RGS6: variants seen among roughly 807,000 people sequenced by gnomAD.
RGS6 encodes regulator of G-protein signaling 6.
In RGS6, 30 loss-of-function variants were observed where a neutral mutation model predicts 78.5. The observed-to-expected ratio is 0.38, with a 90% confidence interval of 0.29 to 0.52. The LOEUF (loss-of-function observed/expected upper bound fraction) is 0.52, where lower values mean the gene tolerates loss of function less well. RGS6 is among the 20% of genes least tolerant of loss of function. The pLI, the probability that RGS6 is intolerant of heterozygous loss-of-function variation, is 0.85. For synonymous variants in RGS6, 206 were observed against 206.0 expected, an observed-to-expected ratio of 1.00 and a Z score of 0.00; for missense variants, 495 against 609.7, an observed-to-expected ratio of 0.81 and a Z score of 1.98.
chr14:72,476,668 T>C (rs1253628070), intron 10 of RGS6, 74 bp from the exon 11 acceptor site: 6 of 1,165,874 alleles, frequency 5.1e-6, no homozygotes, highest in Admixed American at 3.9e-5. Flanking sequence ...GGATGAGTCA[T>C]TGGACTAGCT....
At chr14:72,611,247 A>G in the RGS6 span, among the ~76,000 whole-genome samples, 1 of 152,242 alleles carries the variant, frequency 6.6e-6, no homozygotes, top group South Asian at 2.1e-4. Context: ...CAAAGCTGAA[A>G]TCTGGCTGTG....
intron 2 of RGS6, among the ~76,000 whole-genome samples, chr14:72,187,545 G>T (rs149640): frequency 1.3e-5 from 2 of 152,010 alleles, no homozygotes; most frequent in African/African-American, 4.8e-5. Flanking sequence ...TTGACAGTAG[G>T]CAGAGAAGCA....
intron 16 of RGS6, chr14:72,537,677 C>A: frequency 1.6e-6 from 1 of 636,040 alleles, no homozygotes; most frequent in Admixed American, 2.7e-5. Context: ...ATTATAGGAA[C>A]TTTTGATAAC....
At position 72,465,317 on chromosome 14, in the gene RGS6, G is replaced by A. The variant is rs116099325; in HGVS notation, c.395-441G>A. 3.0e-3 allele frequency among the ~76,000 whole-genome samples: 458 copies of A among 152,316 alleles called. 2 individuals carry two copies. The highest frequency in any genetic ancestry group is 0.011 in the African/African-American group (447 of 41,560). The stretch of plus-strand genomic sequence containing the variant: ...ATGTTTGTGAAATATCACTCTGAGT[G>A]TAGGATGTTCAGGGTGAAGCAGAGT... On this transcript the variant is annotated intron_variant, in intron 6 of 17. Coordinates refer to ENST00000553525, the MANE Select transcript of RGS6 (RefSeq NM_001204424.2).
intron 2 of RGS6, among the ~76,000 whole-genome samples, chr14:72,036,369 C>G (rs530529278): frequency 2.7e-4 from 41 of 151,910 alleles, no homozygotes; most frequent in African/African-American, 9.7e-4. Flanking sequence ...CATTCTTATA[C>G]AGGTTTTGGG....
intron 2 of RGS6, among the ~76,000 whole-genome samples, chr14:72,195,802 A>G (rs2039972308): frequency 6.6e-6 from 1 of 152,256 alleles, no homozygotes. Flanking sequence ...CGGAAACACC[A>G]GGGCTGAGCC....
At chr14:72,599,857 C>T in the RGS6 span, among the ~76,000 whole-genome samples, 11 of 152,238 alleles carry the variant, frequency 7.2e-5, no homozygotes, top group East Asian at 2.1e-3. Flanking sequence ...TGGGCTCACA[C>T]AGGCCTCGGG....
At chr14:72,315,440 A>G (rs757454863) in intron 2 of RGS6, among the ~76,000 whole-genome samples, 5 of 152,266 alleles carry the variant, frequency 3.3e-5, no homozygotes, top group Non-Finnish European at 4.4e-5. Flanking sequence ...TTTAGTCAGT[A>G]GTCGAAACAT....
intron 2 of RGS6, among the ~76,000 whole-genome samples, chr14:71,985,206 C>G (rs536934918): frequency 6.6e-6 from 1 of 151,864 alleles, no homozygotes; most frequent in South Asian, 2.1e-4. Context: ...TCACTGCAAC[C>G]GCCGCCTCCT....
At chr14:72,416,723 A>G (rs908711586) in intron 3 of RGS6, among the ~76,000 whole-genome samples, 3 of 152,184 alleles carry the variant, frequency 2.0e-5, no homozygotes, top group African/African-American at 7.2e-5. Context: ...AAACTCAGGA[A>G]GGAACAAGAA....
chr14:72,409,178 T>C (rs1189764056), intron 3 of RGS6, among the ~76,000 whole-genome samples: 1 of 152,136 alleles, frequency 6.6e-6, no homozygotes. Context: ...TTGCCACTGT[T>C]AAAAGAAAAA....
chr14:72,328,269 A>G (rs1157657984), intron 2 of RGS6, among the ~76,000 whole-genome samples: 1 of 152,166 alleles, frequency 6.6e-6, no homozygotes, highest in Non-Finnish European at 1.5e-5. Flanking sequence ...ATACCCAGAA[A>G]TAATGTTTTA....
intron 2 of RGS6, among the ~76,000 whole-genome samples, chr14:72,306,661 G>A (rs2067312278): frequency 6.6e-6 from 1 of 152,198 alleles, no homozygotes; most frequent in African/African-American, 2.4e-5. Context: ...TGCAAATGAG[G>A]TGGAAATAGC....
At chr14:72,421,700 A>G (rs2094189317) in intron 3 of RGS6, 1 of 152,240 alleles carries the variant, frequency 6.6e-6, no homozygotes, top group Non-Finnish European at 1.5e-5. Context: ...TGGAGCACCA[A>G]GGGGAGAAAG....
chr14:72,364,623 T>A (rs1350347007), intron 3 of RGS6, among the ~76,000 whole-genome samples: 1 of 152,194 alleles, frequency 6.6e-6, no homozygotes, highest in Non-Finnish European at 1.5e-5. Context: ...TAATAAAAAT[T>A]GAAAGTAAAG....
intron 2 of RGS6, among the ~76,000 whole-genome samples, chr14:72,320,088 A>AT (rs555564078): frequency 3.7e-4 from 57 of 152,284 alleles, no homozygotes; most frequent in African/African-American, 1.2e-3. Context: ...TTTAAAAAAA[A>AT]CCTCAGGCTA....
chr14:72,023,511 C>T (rs1302481417), intron 2 of RGS6, among the ~76,000 whole-genome samples: 1 of 152,050 alleles, frequency 6.6e-6, no homozygotes, highest in East Asian at 1.9e-4. Context: ...AATGTTTGCT[C>T]AAAATGTCAA....
intron 12 of RGS6, among the ~76,000 whole-genome samples, chr14:72,480,347 G>A (rs1339534944): frequency 1.3e-5 from 2 of 152,190 alleles, no homozygotes; most frequent in Non-Finnish European, 2.9e-5. Flanking sequence ...AGGTGGAGGC[G>A]GGGAGCCCGG....
At chr14:72,465,536 G>T (rs2095877713) in intron 6 of RGS6, among the ~76,000 whole-genome samples, 1 of 138,024 alleles carries the variant, frequency 7.2e-6, no homozygotes, top group South Asian at 2.8e-4. Context: ...AGCAAGGGTG[G>T]GTGGGCGGGC....
Sources: gnomAD v4.1 joint callset for allele counts (sites outside exome capture counted in the v4.1 genomes callset) on GRCh38, gnomAD v4.1.1 for gene constraint, MANE v1.5 for transcripts, NCBI Gene and HGNC (gene_info 2026-07-23, HGNC 2026-07-21) for gene names.